SLIT2: variants seen among roughly 807,000 people sequenced by gnomAD.
SLIT2 encodes slit homolog 2 protein.
In SLIT2, 41 loss-of-function variants were observed where a neutral mutation model predicts 185.7. The ratio of observed to expected loss-of-function variants is 0.22; its 90% CI spans 0.17 to 0.29. The LOEUF is 0.29. Ranked by LOEUF, SLIT2 falls within the 10% of genes least tolerant of loss-of-function variation. The pLI, the probability that SLIT2 is intolerant of heterozygous loss-of-function variation, is 1.00. For missense variants in SLIT2, 1,571 were observed against 1,909.0 expected, an observed-to-expected ratio of 0.82 and a Z score of 3.30; for synonymous variants, 693 against 680.2, an observed-to-expected ratio of 1.02 and a Z score of -0.29.
intron 5 of SLIT2, among the ~76,000 whole-genome samples, chr4:20,473,933 T>A (rs567969277): frequency 1.4e-4 from 22 of 152,192 alleles, no homozygotes; most frequent in Non-Finnish European, 2.5e-4. Flanking sequence ...TCTGTTTAGT[T>A]CATTGGATTT....
At chr4:20,305,335 G>A (rs1323734824) in intron 4 of SLIT2, among the ~76,000 whole-genome samples, 1 of 152,230 alleles carries the variant, frequency 6.6e-6, no homozygotes. Flanking sequence ...ATCACAACAC[G>A]TGGGAAAAAT....
chr4:20,321,133 C>G (rs918489473), intron 4 of SLIT2, among the ~76,000 whole-genome samples: 3 of 151,888 alleles, frequency 2.0e-5, no homozygotes, highest in Non-Finnish European at 2.9e-5. Flanking sequence ...TCTCAAAAAA[C>G]AAAACAAAAC....
intron 4 of SLIT2, among the ~76,000 whole-genome samples, chr4:20,285,934 G>A (rs1426707332): frequency 6.6e-6 from 1 of 152,202 alleles, no homozygotes; most frequent in Non-Finnish European, 1.5e-5. Context: ...GGAGTCAGTT[G>A]TGTAGCTCTC....
At chr4:20,394,196 A>T in intron 4 of SLIT2, among the ~76,000 whole-genome samples, 1 of 150,428 alleles carries the variant, frequency 6.6e-6, no homozygotes, top group East Asian at 2.0e-4. Context: ...GTTTTCAATG[A>T]AAAAAAAACA....
chr4:20,357,437 C>CTT (rs1298144901), intron 4 of SLIT2, among the ~76,000 whole-genome samples: 12 of 152,052 alleles, frequency 7.9e-5, no homozygotes, highest in Non-Finnish European at 1.5e-4. Flanking sequence ...TTAATAACAA[C>CTT]AACAAATTAG....
chr4:20,384,698 A>G (rs889008297), intron 4 of SLIT2, among the ~76,000 whole-genome samples: 1 of 152,158 alleles, frequency 6.6e-6, no homozygotes, highest in Non-Finnish European at 1.5e-5. Flanking sequence ...ATCCTGGAAT[A>G]TAGCCACATA....
chr4:20,431,281 CT>C (rs1728953832), intron 4 of SLIT2, among the ~76,000 whole-genome samples: 1 of 152,060 alleles, frequency 6.6e-6, no homozygotes, highest in South Asian at 2.1e-4. Context: ...AGAACATAGA[CT>C]TTTTTGGAAG....
At chr4:20,585,762 C>G (rs1452065294) in intron 29 of SLIT2, among the ~76,000 whole-genome samples, 1 of 152,158 alleles carries the variant, frequency 6.6e-6, no homozygotes, top group Non-Finnish European at 1.5e-5. Context: ...AGGGAGGCAG[C>G]CATTGATAAT....
rs567509329 is a variant in SLIT2 at position 20,371,235 on chromosome 4, G to A, written c.396-96517G>A. Among the ~76,000 whole-genome samples, 4 of 151,928 alleles carry A rather than the reference G, an allele frequency of 2.6e-5. No homozygotes were observed. The South Asian group carries it at 8.3e-4, about 32-fold the overall frequency. On this transcript the variant is annotated intron_variant, in intron 4 of 36. Transcript: ENST00000504154. ...AACACACATTCTCACAGTCACACATGCACATGTTCTCACACAGTCACTCAT... is the reference window on the plus strand; with the variant it reads ...AACACACATTCTCACAGTCACACATACACATGTTCTCACACAGTCACTCAT...
intron 8 of SLIT2, 103 bp from the exon 9 acceptor site, chr4:20,491,658 G>C: frequency 1.0e-6 from 1 of 956,600 alleles, no homozygotes; most frequent in Non-Finnish European, 1.6e-6. Context: ...TATTTAAAGA[G>C]ATTTATTTAT....
intron 36 of SLIT2, among the ~76,000 whole-genome samples, chr4:20,618,017 A>G (rs912218385): frequency 6.6e-6 from 1 of 152,186 alleles, no homozygotes; most frequent in African/African-American, 2.4e-5. Flanking sequence ...TCATCCGTAT[A>G]TATTATTAAT....
intron 5 of SLIT2, among the ~76,000 whole-genome samples, chr4:20,474,595 C>A (rs1487779860): frequency 1.3e-5 from 2 of 152,078 alleles, no homozygotes; most frequent in Non-Finnish European, 2.9e-5. Context: ...AATTCACATA[C>A]TTACAAAATA....
At chr4:20,571,898 C>T (rs1560205385) in intron 29 of SLIT2, among the ~76,000 whole-genome samples, 1 of 152,096 alleles carries the variant, frequency 6.6e-6, no homozygotes, top group African/African-American at 2.4e-5. Context: ...ACACCTATGT[C>T]AAGAGTCAGA....
chr4:20,591,924 A>G (rs570461808), intron 30 of SLIT2, among the ~76,000 whole-genome samples: 3 of 152,092 alleles, frequency 2.0e-5, no homozygotes, highest in Non-Finnish European at 2.9e-5. Flanking sequence ...AATAAATTAG[A>G]CACTCTTAAA....
At chr4:20,317,345 A>C (rs1176332409) in intron 4 of SLIT2, among the ~76,000 whole-genome samples, 1 of 152,032 alleles carries the variant, frequency 6.6e-6, no homozygotes, top group Non-Finnish European at 1.5e-5. Context: ...AATTTCATGT[A>C]TTTTAAGGTA....
At chr4:20,396,382 C>T (rs901994501) in intron 4 of SLIT2, among the ~76,000 whole-genome samples, 2 of 151,746 alleles carry the variant, frequency 1.3e-5, no homozygotes, top group Admixed American at 6.6e-5. Context: ...TTCTCCACTA[C>T]CACAAGACTG....
At chr4:20,566,430 G>A (rs1039264906) in intron 26 of SLIT2, among the ~76,000 whole-genome samples, 1 of 152,052 alleles carries the variant, frequency 6.6e-6, no homozygotes. Context: ...ATTGAGGACA[G>A]TACAATTTCC....
intron 4 of SLIT2, among the ~76,000 whole-genome samples, chr4:20,334,051 T>C (rs1338030314): frequency 6.6e-6 from 1 of 152,166 alleles, no homozygotes; most frequent in Non-Finnish European, 1.5e-5. Flanking sequence ...ATGAGAGAAT[T>C]CAGTAATTTG....
intron 7 of SLIT2, among the ~76,000 whole-genome samples, chr4:20,486,879 T>C (rs553095427): frequency 6.6e-6 from 1 of 152,214 alleles, no homozygotes; most frequent in African/African-American, 2.4e-5. Context: ...CTTTAAGTTA[T>C]AGAATATCAG....
Sources: gnomAD v4.1 joint callset for allele counts (sites outside exome capture counted in the v4.1 genomes callset) on GRCh38, gnomAD v4.1.1 for gene constraint, MANE v1.5 for transcripts, NCBI Gene and HGNC (gene_info 2026-07-23, HGNC 2026-07-21) for gene names.